The following CCDC7 variants were observed in gnomAD, a reference collection of about 807,000 sequenced individuals.
CCDC7 encodes the protein coiled-coil domain-containing protein 7.
CCDC7 carries 183 observed loss-of-function variants against 196.9 expected under a neutral mutation model. The ratio of observed to expected loss-of-function variants is 0.93; its 90% confidence interval spans 0.82 to 1.05. The LOEUF (loss-of-function observed/expected upper bound fraction) is 1.05, where lower values mean the gene tolerates loss of function less well. CCDC7 is among the 50% of genes least tolerant of loss of function. CCDC7 has a pLI of 0.00. For synonymous variants in CCDC7, 525 were observed against 484.6 expected (o/e 1.08, Z -1.10); for missense variants, 1,540 against 1,482.2 (o/e 1.04, Z -0.64).
At chr10:32,648,671 A>G (rs930905140) in intron 20 of CCDC7, among the ~76,000 whole-genome samples, 1 of 152,204 alleles carries the variant, frequency 6.6e-6, no homozygotes, top group African/African-American at 2.4e-5. Flanking sequence ...CCTCGCCAGC[A>G]TCTGTTATTC....
chr10:32,581,101 C>T (rs1297071543), intron 16 of CCDC7, among the ~76,000 whole-genome samples: 1 of 152,068 alleles, frequency 6.6e-6, no homozygotes, highest in East Asian at 1.9e-4. Context: ...AAGAGATACA[C>T]TCTTTATACC....
chr10:32,846,885 C>T (rs2136194435), intron 37 of CCDC7, among the ~76,000 whole-genome samples: 1 of 152,236 alleles, frequency 6.6e-6, no homozygotes, highest in South Asian at 2.1e-4. Flanking sequence ...ATAAAAATGT[C>T]AGGCAAATTT....
At chr10:32,609,286 T>C (rs934498018) in intron 18 of CCDC7, among the ~76,000 whole-genome samples, 13 of 152,190 alleles carry the variant, frequency 8.5e-5, no homozygotes, top group Admixed American at 7.2e-4. Flanking sequence ...ATCTGGGTTC[T>C]TTGATGTTGT....
chr10:32,600,735 T>G (rs1590386571), intron 18 of CCDC7, among the ~76,000 whole-genome samples: 1 of 152,188 alleles, frequency 6.6e-6, no homozygotes, highest in South Asian at 2.1e-4. Flanking sequence ...TTTTAAATAA[T>G]GCAGGAAGTA....
chr10:32,471,777 A>G (rs775477695), intron 6 of CCDC7, among the ~76,000 whole-genome samples: 6 of 152,142 alleles, frequency 3.9e-5, no homozygotes, highest in Non-Finnish European at 5.9e-5. Flanking sequence ...GGGAGGGGCC[A>G]CTAGTTATGC....
At chr10:32,467,867 TC>T (rs2037162456) in intron 5 of CCDC7, among the ~76,000 whole-genome samples, 1 of 152,224 alleles carries the variant, frequency 6.6e-6, no homozygotes, top group African/African-American at 2.4e-5. Flanking sequence ...TTTGCTTTTG[TC>T]AGGTTTGTCG....
chr10:32,639,344 C>T (rs947501976), intron 20 of CCDC7, among the ~76,000 whole-genome samples: 1 of 152,038 alleles, frequency 6.6e-6, no homozygotes, highest in Non-Finnish European at 1.5e-5. Context: ...CATTTTAGAT[C>T]TTTCCTGCTT....
chr10:32,666,035 G>GT (rs1157161601), intron 21 of CCDC7, among the ~76,000 whole-genome samples: 6 of 150,832 alleles, frequency 4.0e-5, no homozygotes, highest in Admixed American at 1.3e-4. Flanking sequence ...TAATGTTTGT[G>GT]TGTTGACTTT....
At chr10:32,619,298 G>C (rs561432453) in intron 18 of CCDC7, among the ~76,000 whole-genome samples, 24 of 152,052 alleles carry the variant, frequency 1.6e-4, no homozygotes, top group African/African-American at 5.5e-4. Flanking sequence ...CCATTATAAA[G>C]CTACTTGAAT....
At chr10:32,633,696 A>ATATATATATATATGTG (rs779341941) in intron 18 of CCDC7, among the ~76,000 whole-genome samples, 2 of 135,158 alleles carry the variant, frequency 1.5e-5, no homozygotes, top group African/African-American at 5.6e-5. Context: ...ATATATATAT[A>ATATATATATATATGTG]TGTGTGTGTG....
At chr10:32,742,491 A>G (rs993170860) in intron 28 of CCDC7, among the ~76,000 whole-genome samples, 5 of 152,044 alleles carry the variant, frequency 3.3e-5, no homozygotes, top group African/African-American at 1.2e-4. Flanking sequence ...TGCTCTCCCT[A>G]TTTATTTCTC....
intron 21 of CCDC7, among the ~76,000 whole-genome samples, chr10:32,673,118 T>C (rs2074339876): frequency 6.6e-6 from 1 of 152,182 alleles, no homozygotes; most frequent in South Asian, 2.1e-4. Context: ...TGCATAGGGA[T>C]TAATTCTGGA....
intron 18 of CCDC7, among the ~76,000 whole-genome samples, chr10:32,622,463 T>A (rs190264203): frequency 8.2e-4 from 124 of 152,022 alleles, no homozygotes; most frequent in African/African-American, 2.9e-3. Flanking sequence ...AATTTGTAGT[T>A]AAGAATAACT....
At chr10:32,571,738 T>C in intron 15 of CCDC7, 121 bp from the exon 17 acceptor site, 1 of 874,022 alleles carries the variant, frequency 1.1e-6, no homozygotes, top group Non-Finnish European at 1.6e-6. Context: ...GCTTTTTTGA[T>C]ACCTTAATCT....
At chr10:32,809,287 A>C (rs968542976) in intron 30 of CCDC7, among the ~76,000 whole-genome samples, 3 of 152,222 alleles carry the variant, frequency 2.0e-5, no homozygotes, top group Admixed American at 2.0e-4. Flanking sequence ...ATATTAAAGA[A>C]GCTCAATGAG....
At chr10:32,577,763 T>C (rs556827554) in intron 16 of CCDC7, among the ~76,000 whole-genome samples, 2 of 152,312 alleles carry the variant, frequency 1.3e-5, no homozygotes, top group East Asian at 1.9e-4. Context: ...TAAGGTCTAA[T>C]TGATTGGATG....
chr10:32,616,488 T>A (rs1181763528), intron 18 of CCDC7, among the ~76,000 whole-genome samples: 5 of 151,968 alleles, frequency 3.3e-5, no homozygotes, highest in African/African-American at 1.2e-4. Context: ...AAAATGCTTC[T>A]GATTTCTGTA....
At chr10:32,485,588 G>T (rs1341773796) in intron 8 of CCDC7, among the ~76,000 whole-genome samples, 2 of 152,114 alleles carry the variant, frequency 1.3e-5, no homozygotes, top group Non-Finnish European at 2.9e-5. Context: ...TGTGATGTTA[G>T]GGTGTCCATT....
At chr10:32,871,341 G>T (rs1037343350) in intron 41 of CCDC7, among the ~76,000 whole-genome samples, 1 of 152,114 alleles carries the variant, frequency 6.6e-6, no homozygotes, top group African/African-American at 2.4e-5. Context: ...GGATGTATGT[G>T]TTGAGGAATT....
Sources: allele counts gnomAD v4.1 joint callset (sites outside exome capture counted in the v4.1 genomes callset), GRCh38; gene constraint gnomAD v4.1.1; transcripts MANE v1.5; gene names NCBI Gene and HGNC (gene_info 2026-07-23, HGNC 2026-07-21).